The following SGSM1 variants were observed in gnomAD, a reference collection of about 807,000 sequenced individuals.
The protein encoded by SGSM1 is small G protein signaling modulator 1.
In SGSM1, 73 loss-of-function variants were observed where a neutral mutation model predicts 133.8. The observed-to-expected ratio is 0.55, with a 90% CI of 0.45 to 0.66. The LOEUF (loss-of-function observed/expected upper bound fraction) is 0.66. Ranked by LOEUF, SGSM1 falls within the 30% of genes least tolerant of loss-of-function variation. The pLI is 0.00. For synonymous variants in SGSM1, 563 were observed against 573.0 expected (o/e 0.98, Z 0.25); for missense variants, 1,213 against 1,448.1 (o/e 0.84, Z 2.64).
At chr22:24,856,156 AG>A in intron 8 of SGSM1, 1 of 343,436 alleles carries the variant, frequency 2.9e-6, no homozygotes, top group South Asian at 2.2e-5. Flanking sequence ...TCATTGATTC[AG>A]CAAACATTTC....
chr22:24,891,909 G>A (rs1932820853), intron 16 of SGSM1, among the ~76,000 whole-genome samples: 1 of 152,104 alleles, frequency 6.6e-6, no homozygotes, highest in African/African-American at 2.4e-5. Flanking sequence ...GCGTGGTGTG[G>A]TGTGTGTGTC....
rs746554115 is a variant in SGSM1, at chr22:24,868,477, C to T, written c.1096C>T (p.Leu366=). ...GGHLLQFLSC[L]ENGLLPHGQL... is the part of the protein sequence containing the mutation. ...GCACCTCCTGCAGTTCCTCTCGTGC[C>T]TGGAGAATGGGCTGCTCCCACATGG... Residue 366 remains leucine (L), a synonymous_variant, in exon 11 of 25, where the codon CTG becomes TTG. Transcript: ENST00000400358. 8 of 1,613,708 alleles carry T rather than the reference C, an allele frequency of 5.0e-6. No homozygotes were observed. Among genetic ancestry groups the T allele is most frequent in the Non-Finnish European group, 6.8e-6 (8 of 1,179,868 alleles).
chr22:24,908,449 A>G (rs1395691000), intron 21 of SGSM1, among the ~76,000 whole-genome samples: 1 of 152,236 alleles, frequency 6.6e-6, no homozygotes, highest in Non-Finnish European at 1.5e-5. Flanking sequence ...TTTGCAAGTC[A>G]TATGCGTGAT....
chr22:24,868,441 C>T lies in SGSM1; in HGVS notation c.1060C>T (p.Pro354Ser). The change falls in exon 11 of 25, where the codon CCC becomes TCC. Residue 354 changes from proline (P) to serine (S), a missense_variant. By Grantham distance (74) the Pro-to-Ser change is moderately conservative. Transcript: ENST00000400358. ...DGIQRPPFRF[P>S]KGGHLLQFLS... ...GATCCAGAGGCCGCCCTTCCGCTTC[C>T]CCAAGGGCGGGCACCTCCTGCAGTT... The T allele has an allele frequency of 1.2e-6, 2 of 1,613,916 alleles. No homozygotes were observed.
rs1008189459 is a variant in SGSM1, at chr22:24,926,454, C to A, written c.*2180C>A. On this transcript the variant is annotated 3_prime_UTR_variant, in exon 25 of 25. Coordinates refer to ENST00000400358, the MANE Select transcript of SGSM1 (RefSeq NM_001098497.3). ...GACAGGAAGAAATGTGCAAAAGGCC[C>A]CTCCGGAGAAAACTATTTTGCCGTT... The A allele has an allele frequency of 2.1e-5, 3 of 144,168 alleles. No individual in the cohort carries two copies. The highest frequency in any genetic ancestry group is 4.7e-5 in the Non-Finnish European group (3 of 64,498). 8.9% of individuals were successfully genotyped at this position (144,168 alleles called of 1,614,324 possible).
intron 2 of SGSM1, among the ~76,000 whole-genome samples, chr22:24,837,975 CCT>C (rs1929566075): frequency 6.6e-6 from 1 of 152,174 alleles, no homozygotes; most frequent in African/African-American, 2.4e-5. Context: ...CAGCTCGTGT[CCT>C]CTGTCTCTTG....
chr22:24,898,561 T>C lies in SGSM1; in HGVS notation c.2610+2T>C. 6.3e-7 allele frequency: 1 copy of C among 1,595,420 alleles called. No individual in the cohort carries two copies. On this transcript the variant is annotated splice_donor_variant, in intron 19 of 24. Coordinates refer to ENST00000400358, the MANE Select transcript of SGSM1 (RefSeq NM_001098497.3). LOFTEE classifies it high-confidence loss of function. ...TCTTCCAGCGGCGTCACCTACTCTG[T>C]AAGTCACCAGGACCCTCCGTTCCAT...
rs369776437 is a variant in SGSM1, at chr22:24,901,922, C to A, written c.2700C>A (p.Pro900=). 5.6e-6 allele frequency: 9 copies of A among 1,598,670 alleles called. No individual in the cohort carries two copies. In the East Asian group the frequency reaches 2.0e-4, roughly 36 times the overall value. Residue 900 remains proline (P), a synonymous_variant, in exon 20 of 25, where the codon CCC becomes CCA. Coordinates refer to ENST00000400358, the MANE Select transcript of SGSM1 (RefSeq NM_001098497.3). The part of the protein sequence containing the change: ...RCDRNYWYFT[P]ANLEKLRNIM... The stretch of plus-strand genomic sequence containing the variant: ...ACCGCAACTACTGGTACTTCACGCC[C>A]GCCAACTTGGAGAAGCTGCGTAACA...
chr22:24,857,547 G>GT (rs1165466945), intron 8 of SGSM1, among the ~76,000 whole-genome samples: 1 of 151,708 alleles, frequency 6.6e-6, no homozygotes, highest in Admixed American at 6.6e-5. Flanking sequence ...GTTTTGTTTT[G>GT]TTTTTTAATC....
intron 5 of SGSM1, 136 bp downstream of exon 5, chr22:24,850,568 G>A (rs1408980867): frequency 7.9e-7 from 1 of 1,270,242 alleles, no homozygotes; most frequent in Non-Finnish European, 1.1e-6. Context: ...TTAAATGCTT[G>A]GAAACTTGGG....
chr22:24,914,912 G>C (rs571195389), intron 22 of SGSM1, among the ~76,000 whole-genome samples: 22 of 152,176 alleles, frequency 1.4e-4, no homozygotes, highest in African/African-American at 5.3e-4. Flanking sequence ...TGGGGAATTT[G>C]GGGTTTTGTT....
rs1189752535 is a variant in SGSM1, at chr22:24,877,118, G to A, written c.1430+403G>A. ...AGAGGTTGGAACCTACGATAAAAAG[G>A]CTCTGCCCAAAAGCAGCACATGTCA... is the stretch of plus-strand genomic sequence containing the variant. On this transcript the variant is annotated intron_variant, in intron 13 of 24. Coordinates refer to ENST00000400358, the MANE Select transcript of SGSM1 (RefSeq NM_001098497.3). Among the ~76,000 whole-genome samples, 6 of 152,266 alleles carry A rather than the reference G, an allele frequency of 3.9e-5. No individual in the cohort carries two copies. The South Asian group carries it at 1.0e-3, about 26-fold the overall frequency.
chr22:24,859,639 TAAATC>T (rs1931010247), intron 8 of SGSM1, 72 bp from the exon 9 acceptor site: 1 of 1,592,698 alleles, frequency 6.3e-7, no homozygotes, highest in Admixed American at 1.7e-5. Flanking sequence ...TATGTGTTCT[TAAATC>T]AAACGGGCCA....
Position 24,855,411 on chromosome 22 carries a change from C to G in SGSM1, c.650C>G (p.Thr217Ser). ...TCCCACGTGCGGCAGGACTCGCCCA[C>G]CAAGCGTCCTGCCCTCTGTGTGAGT... Reference protein sequence around the residue: ...HSSHVRQDSPTKRPALCIQKR... With the variant: ...HSSHVRQDSPSKRPALCIQKR... The change falls in exon 7 of 25, where the codon ACC becomes AGC. Residue 217 changes from threonine to serine, a missense_variant. Coordinates refer to ENST00000400358, the MANE Select transcript of SGSM1 (RefSeq NM_001098497.3). 3.7e-6 allele frequency: 6 copies of G among 1,613,562 alleles called. No homozygotes were observed. The highest frequency in any genetic ancestry group is 5.1e-6 in the Non-Finnish European group (6 of 1,179,792).
intron 2 of SGSM1, among the ~76,000 whole-genome samples, chr22:24,841,105 C>T (rs1929781769): frequency 1.3e-5 from 2 of 152,194 alleles, no homozygotes; most frequent in Non-Finnish European, 1.5e-5. Flanking sequence ...CCGCCTTGGC[C>T]TCCCAAAGTG....
chr22:24,892,884 T>TAAAAAAAA (rs71320793), intron 16 of SGSM1, among the ~76,000 whole-genome samples: 1 of 118,708 alleles, frequency 8.4e-6, no homozygotes. Context: ...CCGTCTCTAC[T>TAAAAAAAA]AAAAAAAAAA....
chr22:24,822,944 T>A (rs745328612), intron 2 of SGSM1, among the ~76,000 whole-genome samples: 43 of 152,206 alleles, frequency 2.8e-4, no homozygotes. Flanking sequence ...TGTGAGTCTT[T>A]GGGCTCAAGT....
At position 24,855,895 on chromosome 22, in the gene SGSM1, A is replaced by G. The variant is rs943240592; in HGVS notation, c.801+215A>G. 8.1e-6 allele frequency: 6 copies of G among 736,396 alleles called. No homozygotes were observed. In the African/African-American group the frequency reaches 8.6e-5, roughly 11 times the overall value. The allele number at this position is 736,396 out of a possible 1,614,324, so 45.6% of individuals were successfully genotyped here. On this transcript the variant is annotated intron_variant, in intron 8 of 24. Transcript: ENST00000400358. ...CATCCACCCATTGTTATATCCATCC[A>G]TCCACCCATTGTCACAACCATCCAT...
intron 19 of SGSM1, among the ~76,000 whole-genome samples, chr22:24,900,368 T>TTTC (rs1206869265): frequency 4.0e-5 from 3 of 74,920 alleles, no homozygotes; most frequent in Non-Finnish European, 8.9e-5. Context: ...TCTTTCTTTC[T>TTTC]TTCTTTCTTT....
Sources: gnomAD v4.1 joint callset for allele counts (sites outside exome capture counted in the v4.1 genomes callset) on GRCh38, gnomAD v4.1.1 for gene constraint, MANE v1.5 for transcripts, NCBI Gene and HGNC (gene_info 2026-07-23, HGNC 2026-07-21) for gene names.